Variants in CDH6 observed in about 807,000 individuals in gnomAD.
CDH6 encodes cadherin 6, also known as cadherin-6.
A neutral mutation model predicts 78.0 loss-of-function variants in CDH6; 31 were observed. The observed-to-expected ratio is 0.40, with a 90% CI of 0.30 to 0.54. The LOEUF is 0.54. Ranked by LOEUF, CDH6 falls within the 20% of genes least tolerant of loss-of-function variation. The probability of loss-of-function intolerance (pLI) is 0.56; values close to 1 mark genes in which losing one functional copy is unlikely to be tolerated. For synonymous variants in CDH6, 376 were observed against 368.8 expected (o/e 1.02, Z -0.23); for missense variants, 724 against 975.9 (o/e 0.74, Z 3.44).
At chr5:31,244,035 C>T (rs1407474207) in intron 1 of CDH6, among the ~76,000 whole-genome samples, 1 of 152,134 alleles carries the variant, frequency 6.6e-6, no homozygotes, top group Non-Finnish European at 1.5e-5. Flanking sequence ...ACTCCAAAAG[C>T]GCTGGATTAC....
chr5:31,233,374 G>A (rs977898220), intron 1 of CDH6, among the ~76,000 whole-genome samples: 3 of 151,540 alleles, frequency 2.0e-5, no homozygotes, highest in African/African-American at 7.3e-5. Context: ...AATTAACCGG[G>A]CATAGTTGTG....
chr5:31,274,433 C>T (rs1742629827), intron 2 of CDH6, among the ~76,000 whole-genome samples: 1 of 152,218 alleles, frequency 6.6e-6, no homozygotes, highest in Admixed American at 6.5e-5. Flanking sequence ...CAGAGAAAGC[C>T]TCACAAGGAA....
chr5:31,216,355 C>A (rs1468319907), intron 1 of CDH6, among the ~76,000 whole-genome samples: 2 of 151,996 alleles, frequency 1.3e-5, no homozygotes, highest in East Asian at 1.9e-4. Flanking sequence ...GTGTGGCCTG[C>A]AGGCTGAAAA....
chr5:31,300,980 A>G (rs1340051911), intron 5 of CDH6, among the ~76,000 whole-genome samples: 3 of 152,114 alleles, frequency 2.0e-5, no homozygotes, highest in Non-Finnish European at 4.4e-5. Context: ...GAAATTAGTC[A>G]GGCACGATGG....
At chr5:31,276,684 G>A (rs1488041335) in intron 2 of CDH6, among the ~76,000 whole-genome samples, 1 of 152,150 alleles carries the variant, frequency 6.6e-6, no homozygotes, top group Non-Finnish European at 1.5e-5. Context: ...TTACTTGCTA[G>A]AGAGTGTAAG....
intron 1 of CDH6, among the ~76,000 whole-genome samples, chr5:31,202,756 CAT>C (rs1226637005): frequency 6.0e-5 from 9 of 149,658 alleles, no homozygotes; most frequent in African/African-American, 1.2e-4. Flanking sequence ...ATATATGTAA[CAT>C]ATACACGCAT....
chr5:31,275,476 TA>T (rs1453604866), intron 2 of CDH6, among the ~76,000 whole-genome samples: 1 of 152,232 alleles, frequency 6.6e-6, no homozygotes, highest in Non-Finnish European at 1.5e-5. Flanking sequence ...GTTCTTGTGT[TA>T]ATTCACTTAG....
chr5:31,216,683 C>CA (rs70953498), intron 1 of CDH6, among the ~76,000 whole-genome samples: 76,578 of 132,494 alleles, frequency 0.58, 22,506 homozygotes, highest in East Asian at 0.81. Flanking sequence ...GCCCTGCCAC[C>CA]AAAAAAAAAA....
At chr5:31,269,354 T>C (rs1310705905) in intron 2 of CDH6, among the ~76,000 whole-genome samples, 1 of 151,528 alleles carries the variant, frequency 6.6e-6, no homozygotes, top group Non-Finnish European at 1.5e-5. Flanking sequence ...AGTTTTACAA[T>C]TATAATTGTG....
intron 8 of CDH6, among the ~76,000 whole-genome samples, chr5:31,315,851 T>C (rs941772138): frequency 2.0e-5 from 3 of 152,240 alleles, no homozygotes; most frequent in African/African-American, 7.2e-5. Flanking sequence ...TGGTGGTTCA[T>C]TCATTTTCCC....
chr5:31,281,273 C>T (rs1002064080), intron 2 of CDH6, among the ~76,000 whole-genome samples: 1 of 146,184 alleles, frequency 6.8e-6, no homozygotes, highest in Non-Finnish European at 1.5e-5. Context: ...TATTGATACT[C>T]TCCTCCAAGA....
chr5:31,324,010 A>G lies in CDH6; in HGVS notation c.*702A>G. On this transcript the variant is annotated 3_prime_UTR_variant, in exon 12 of 12. Transcript: ENST00000265071. Reference sequence around the variant, plus strand: ...TGTTATATCCTAGACTAGACATGCGAAAGTTTGCCTTTGTACCATATAAAG... The same window carrying G: ...TGTTATATCCTAGACTAGACATGCGGAAGTTTGCCTTTGTACCATATAAAG... 5.1e-6 allele frequency: 1 copy of G among 194,422 alleles called. No homozygotes were observed. Among genetic ancestry groups the G allele is most frequent in the African/African-American group, 2.3e-5 (1 of 44,074 alleles). 12.0% of individuals were successfully genotyped at this position (194,422 alleles called of 1,614,324 possible). A position where few individuals can be genotyped will look rare whatever the true frequency, so the allele number is the denominator to read the frequency against.
chr5:31,300,537 T>C (rs1737739250), intron 5 of CDH6, among the ~76,000 whole-genome samples: 1 of 152,178 alleles, frequency 6.6e-6, no homozygotes, highest in South Asian at 2.1e-4. Context: ...GAATATCTCA[T>C]ATAACAAGTA....
intron 11 of CDH6, among the ~76,000 whole-genome samples, chr5:31,322,599 C>G (rs1239253271): frequency 6.6e-6 from 1 of 152,158 alleles, no homozygotes; most frequent in Non-Finnish European, 1.5e-5. Context: ...GTTTTATCCT[C>G]TACTTAAATT....
chr5:31,264,262 A>C (rs553371080), intron 1 of CDH6, among the ~76,000 whole-genome samples: 2 of 152,368 alleles, frequency 1.3e-5, no homozygotes, highest in Admixed American at 1.3e-4. Flanking sequence ...AATGTATTGT[A>C]GATGGATTCT....
At chr5:31,195,246 G>T (rs1282774015) in intron 1 of CDH6, among the ~76,000 whole-genome samples, 1 of 152,134 alleles carries the variant, frequency 6.6e-6, no homozygotes, top group African/African-American at 2.4e-5. Flanking sequence ...TACATATATG[G>T]CTGCTCTGGA....
At chr5:31,289,436 A>AT (rs1377106181) in intron 2 of CDH6, among the ~76,000 whole-genome samples, 1 of 152,174 alleles carries the variant, frequency 6.6e-6, no homozygotes, top group East Asian at 1.9e-4. Context: ...AAACATATGA[A>AT]TGCAGGTGTC....
chr5:31,267,431 G>C lies in CDH6; in HGVS notation c.-43G>C. ...GGTGCAGTGAAAAAGGCACTTCCAAGAGTGGGGCACTCACTACGCACAGAC... is the reference window on the plus strand; with the variant it reads ...GGTGCAGTGAAAAAGGCACTTCCAACAGTGGGGCACTCACTACGCACAGAC... On this transcript the variant is annotated 5_prime_UTR_variant, in exon 2 of 12. Coordinates refer to ENST00000265071, the MANE Select transcript of CDH6 (RefSeq NM_004932.4). The C allele has an allele frequency of 6.8e-7, 1 of 1,465,500 alleles. No homozygotes were observed. Among genetic ancestry groups the C allele is most frequent in the South Asian group, 1.1e-5 (1 of 88,010 alleles). 90.8% of individuals were successfully genotyped at this position (1,465,500 alleles called of 1,614,324 possible). A position where few individuals can be genotyped will look rare whatever the true frequency, so the allele number is the denominator to read the frequency against.
intron 1 of CDH6, among the ~76,000 whole-genome samples, chr5:31,201,819 T>C (rs2111775672): frequency 6.6e-6 from 1 of 152,232 alleles, no homozygotes; most frequent in South Asian, 2.1e-4. Flanking sequence ...AAAGACAAAC[T>C]AAACAAAAGC....
Sources: gnomAD v4.1 joint callset for allele counts (sites outside exome capture counted in the v4.1 genomes callset) on GRCh38, gnomAD v4.1.1 for gene constraint, MANE v1.5 for transcripts, NCBI Gene and HGNC (gene_info 2026-07-23, HGNC 2026-07-21) for gene names.